Variants in NGEF observed in about 807,000 individuals in gnomAD.
NGEF encodes the protein neuronal guanine nucleotide exchange factor, also known as ephexin-1.
A neutral mutation model predicts 80.9 loss-of-function variants in NGEF; 31 were observed. The ratio of observed to expected loss-of-function variants is 0.38; its 90% CI spans 0.29 to 0.52. The LOEUF (loss-of-function observed/expected upper bound fraction) is 0.52, where lower values mean the gene tolerates loss of function less well. Among genes scored for constraint, NGEF ranks in the 20% least tolerant of loss-of-function variants. The pLI is 0.84. For synonymous variants in NGEF, 371 were observed against 370.2 expected, an observed-to-expected ratio of 1.00 and a Z score of -0.03; for missense variants, 709 against 926.2, an observed-to-expected ratio of 0.77 and a Z score of 3.04.
chr2:232,910,364 C>T (rs998638357), intron 5 of NGEF, among the ~76,000 whole-genome samples: 1 of 151,466 alleles, frequency 6.6e-6, no homozygotes. Flanking sequence ...CAGTAGGGTT[C>T]TCACTCCTAT....
chr2:232,882,368 C>T (rs1231548083), intron 12 of NGEF, 103 bp from the exon 13 acceptor site: 3 of 1,042,442 alleles, frequency 2.9e-6, no homozygotes, highest in Admixed American at 2.0e-5. Context: ...TCTGCGTCCA[C>T]CATCCTGAGC....
chr2:232,945,981 A>G (rs1019147066), intron 3 of NGEF, among the ~76,000 whole-genome samples: 2 of 151,656 alleles, frequency 1.3e-5, no homozygotes, highest in African/African-American at 4.8e-5. Flanking sequence ...CCATCAATCA[A>G]CTAGTGGATA....
At chr2:233,006,365 T>C (rs1012475674) in intron 1 of NGEF, among the ~76,000 whole-genome samples, 1 of 152,224 alleles carries the variant, frequency 6.6e-6, no homozygotes, top group African/African-American at 2.4e-5. Context: ...GGGTCTAATG[T>C]GCAGGTGCCT....
rs1397433154 is a variant in NGEF at position 232,964,828 on chromosome 2, A to G, written c.383+5386T>C. Among the ~76,000 whole-genome samples the G allele has an allele frequency of 5.9e-5, 9 of 152,268 alleles. No individual in the cohort carries two copies. In the East Asian group the frequency reaches 1.7e-3, roughly 29 times the overall value. ...GATCCCATTTGTTGTGTGAACCAAC[A>G]AAACCAATCTGATGGTGATAGATGT... On this transcript the variant is annotated intron_variant, in intron 3 of 14. Transcript: ENST00000264051.
chr2:232,885,148 C>T, intron 10 of NGEF, 132 bp downstream of exon 10: 2 of 776,646 alleles, frequency 2.6e-6, no homozygotes, highest in Admixed American at 2.3e-5. Flanking sequence ...GGTCAGGGGG[C>T]AGAGGGGATC....
intron 1 of NGEF, among the ~76,000 whole-genome samples, chr2:233,001,781 G>A (rs1406261815): frequency 6.6e-6 from 1 of 152,120 alleles, no homozygotes; most frequent in Admixed American, 6.5e-5. Flanking sequence ...TTGGGAGGCC[G>A]AGGCGGGTGG....
intron 5 of NGEF, among the ~76,000 whole-genome samples, chr2:232,904,578 G>T (rs185966721): frequency 6.6e-6 from 1 of 152,258 alleles, no homozygotes; most frequent in Admixed American, 6.5e-5. Context: ...TCCTCCAATT[G>T]TTGGGTTCTC....
In NGEF at chr2:232,892,882, T is replaced by C. The variant is rs1011168414; in HGVS notation, c.1142+16A>G. ...CACCTCCCCCTGCCCCTGAGCCCCT[T>C]GCCGGATACACTCACAGCAGCTGCT... On this transcript the variant is annotated intron_variant, in intron 7 of 14. Coordinates refer to ENST00000264051, the MANE Select transcript of NGEF (RefSeq NM_019850.3). This position sits in a 1 kb window ranked among gnomAD's most constrained non-coding sequence, Gnocchi z 4.0. The C allele has an allele frequency of 1.2e-6, 2 of 1,610,604 alleles. No individual in the cohort carries two copies. Among genetic ancestry groups the C allele is most frequent in the Non-Finnish European group, 1.7e-6 (2 of 1,178,280 alleles).
In NGEF at chr2:232,886,477, GT is replaced by G. The variant is rs1162352231; in HGVS notation, c.1348-1109del. Among the ~76,000 whole-genome samples, 3 of 152,356 alleles carry G rather than the reference GT, an allele frequency of 2.0e-5. No homozygotes were observed. In the Middle Eastern group the frequency reaches 0.01, roughly 518 times the overall value. The stretch of plus-strand genomic sequence containing the variant: ...CACAGGTGTGTGTGCACAGGCGTCT[GT>G]TTAGGGCGAGCTGCAGCCTGTCGGC... On this transcript the variant is annotated intron_variant, in intron 9 of 14. Transcript: ENST00000264051.
chr2:232,893,647 C>T (rs1057159678), intron 6 of NGEF, among the ~76,000 whole-genome samples: 18 of 152,084 alleles, frequency 1.2e-4, no homozygotes, highest in African/African-American at 3.6e-4. Context: ...TGGTGGTGGA[C>T]GCCTGTAATC....
intron 3 of NGEF, among the ~76,000 whole-genome samples, chr2:232,939,971 C>G (rs1365135231): frequency 6.6e-6 from 1 of 151,002 alleles, no homozygotes; most frequent in Non-Finnish European, 1.5e-5. Flanking sequence ...CACTCCAGCC[C>G]GAGCGACAGA....
At chr2:232,994,177 C>T (rs943125037) in intron 1 of NGEF, among the ~76,000 whole-genome samples, 38 of 152,158 alleles carry the variant, frequency 2.5e-4, no homozygotes, top group African/African-American at 9.2e-4. Context: ...CAAGACCAGA[C>T]TGGCCAACAT....
chr2:232,988,458 A>G (rs1200670936), intron 1 of NGEF, among the ~76,000 whole-genome samples: 1 of 152,176 alleles, frequency 6.6e-6, no homozygotes, highest in Non-Finnish European at 1.5e-5. Context: ...ATTGGCAAAA[A>G]CTCAAAAGTT....
intron 9 of NGEF, among the ~76,000 whole-genome samples, chr2:232,886,085 T>C (rs1195519062): frequency 7.3e-5 from 6 of 82,540 alleles, no homozygotes; most frequent in South Asian, 2.8e-4. Flanking sequence ...AATACAGTGG[T>C]GTGTGTGCTG....
At chr2:232,897,088 T>TGGGATGGGGTGGGGGAAGGGGTGAGGGTA (rs1265695698) in intron 5 of NGEF, among the ~76,000 whole-genome samples, 1 of 28,318 alleles carries the variant, frequency 3.5e-5, no homozygotes, top group Non-Finnish European at 7.1e-5. Flanking sequence ...GGGTGAGGGT[T>TGGGATGGGGTGGGGGAAGGGGTGAGGGTA]GGGATGGGGT....
chr2:232,952,235 A>G (rs1693692446), intron 3 of NGEF, among the ~76,000 whole-genome samples: 2 of 152,250 alleles, frequency 1.3e-5, no homozygotes, highest in South Asian at 4.1e-4. Flanking sequence ...TATAAATTCC[A>G]AGGACAATAC....
At chr2:232,883,890 G>A (rs945589644) in intron 11 of NGEF, 91 bp downstream of exon 11, 13 of 1,356,844 alleles carry the variant, frequency 9.6e-6, no homozygotes, top group East Asian at 5.0e-5. Flanking sequence ...GCTCTGTCCC[G>A]ACACCCCCAA....
At chr2:232,883,211 G>T in intron 12 of NGEF, 100 bp downstream of exon 12, 1 of 1,393,522 alleles carries the variant, frequency 7.2e-7, no homozygotes, top group Non-Finnish European at 9.8e-7. Context: ...CACAGAGCGT[G>T]TGTGGTGCCT....
intron 3 of NGEF, among the ~76,000 whole-genome samples, chr2:232,948,175 G>GTGTC: frequency 6.7e-6 from 1 of 150,154 alleles, no homozygotes; most frequent in East Asian, 1.9e-4. Flanking sequence ...GTGTGTGTGT[G>GTGTC]TGTGTGTGTA....
Sources: allele counts gnomAD v4.1 joint callset (sites outside exome capture counted in the v4.1 genomes callset), GRCh38; gene constraint gnomAD v4.1.1; non-coding constraint Gnocchi (gnomAD v3.1); transcripts MANE v1.5; gene names NCBI Gene and HGNC (gene_info 2026-07-23, HGNC 2026-07-21).